NCOA6: variants seen among roughly 807,000 people sequenced by gnomAD.
NCOA6 encodes the protein NRC RAP250.
A neutral mutation model predicts 171.4 loss-of-function variants in NCOA6; 49 were observed. The observed-to-expected ratio is 0.29, with a 90% confidence interval of 0.23 to 0.36. The LOEUF is 0.36. NCOA6 is among the 10% of genes least tolerant of loss of function. NCOA6 has a pLI of 1.00. For synonymous variants in NCOA6, 910 were observed against 927.5 expected, an observed-to-expected ratio of 0.98 and a Z score of 0.34; for missense variants, 2,248 against 2,554.5, an observed-to-expected ratio of 0.88 and a Z score of 2.59.
At chr20:34,778,472 G>T in intron 3 of NCOA6, among the ~76,000 whole-genome samples, 1 of 150,958 alleles carries the variant, frequency 6.6e-6, no homozygotes, top group East Asian at 2.0e-4. Flanking sequence ...TCTGTCGCCA[G>T]GCTGGAGTGC....
chr20:34,823,310 G>C (rs1251918867), intron 1 of NCOA6, among the ~76,000 whole-genome samples: 1 of 151,774 alleles, frequency 6.6e-6, no homozygotes, highest in African/African-American at 2.4e-5. Flanking sequence ...TTGAGCTCAG[G>C]ATTTCAAGAC....
intron 1 of NCOA6, chr20:34,821,141 C>T (rs1454917218): frequency 1.3e-5 from 2 of 152,170 alleles, no homozygotes; most frequent in Non-Finnish European, 2.9e-5. Flanking sequence ...GGTTGAACAT[C>T]CAACACTCAA....
intron 14 of NCOA6, among the ~76,000 whole-genome samples, chr20:34,726,122 A>G (rs1215425492): frequency 2.0e-5 from 3 of 152,206 alleles, no homozygotes; most frequent in African/African-American, 7.2e-5. Context: ...ACAGAACCCA[A>G]GGGAAAAGTT....
chr20:34,755,852 T>A lies in NCOA6; in HGVS notation c.1529-984A>T, dbSNP rs139668805. Among the ~76,000 whole-genome samples the A allele has an allele frequency of 9.1e-3, 1,387 of 152,260 alleles. 28 individuals are homozygous for A. Among genetic ancestry groups the A allele is most frequent in the African/African-American group, 0.032 (1,317 of 41,532 alleles). On this transcript the variant is annotated intron_variant, in intron 7 of 14. Transcript: ENST00000359003. Reference sequence around the variant, plus strand: ...CCAGGTTCAAGCAATCCTCCCTGCCTCAGCCTCCCAAGTAGCTGGGATTAC... The same window carrying A: ...CCAGGTTCAAGCAATCCTCCCTGCCACAGCCTCCCAAGTAGCTGGGATTAC...
intron 3 of NCOA6, among the ~76,000 whole-genome samples, chr20:34,780,187 T>A (rs540768660): frequency 6.6e-6 from 1 of 152,328 alleles, no homozygotes; most frequent in South Asian, 2.1e-4. Context: ...ACATCAAATT[T>A]GCTTATGGTA....
intron 5 of NCOA6, among the ~76,000 whole-genome samples, chr20:34,759,416 G>C (rs2076749884): frequency 1.6e-5 from 2 of 121,902 alleles, no homozygotes; most frequent in African/African-American, 5.8e-5. Flanking sequence ...TATATATGTA[G>C]ATACAGCAGA....
At chr20:34,777,642 G>A (rs1299217457) in intron 3 of NCOA6, among the ~76,000 whole-genome samples, 1 of 151,744 alleles carries the variant, frequency 6.6e-6, no homozygotes, top group African/African-American at 2.4e-5. Flanking sequence ...TGGAACCCTT[G>A]CGCACTGTCA....
In NCOA6 at chr20:34,715,129, C is replaced by T. The variant is rs949033220; in HGVS notation, c.*193G>A. On this transcript the variant is annotated 3_prime_UTR_variant, in exon 15 of 15. Coordinates refer to ENST00000359003, the MANE Select transcript of NCOA6 (RefSeq NM_014071.5). ...ATTTTAGAAACCTTGAACTTCAACT[C>T]GCAACACCAAAAGGGCTCAACAGTC... The T allele has an allele frequency of 1.3e-5, 8 of 605,192 alleles. No homozygotes were observed. The highest frequency in any genetic ancestry group is 6.4e-5 in the East Asian group (2 of 31,458). The allele number at this position is 605,192 out of a possible 1,614,324, so 37.5% of individuals were successfully genotyped here. A position where few individuals can be genotyped will look rare whatever the true frequency, so the allele number is the denominator to read the frequency against.
rs758414546 is a variant in NCOA6 at position 34,758,928 on chromosome 20, T to C, written c.520A>G (p.Ile174Val). The C allele has an allele frequency of 9.3e-6, 15 of 1,613,738 alleles. No individual in the cohort carries two copies. The highest frequency in any genetic ancestry group is 1.0e-5 in the Non-Finnish European group (12 of 1,179,908). Residue 174 changes from isoleucine (I) to valine (V), a missense_variant, in exon 6 of 15, where the codon ATA (isoleucine) becomes GTA (valine). Around this residue, in one of 7 missense-constraint regions of NCOA6, gnomAD observed 987 missense variants for 1,104.7 expected, o/e 0.89. Coordinates refer to ENST00000359003, the MANE Select transcript of NCOA6 (RefSeq NM_014071.5). ...GFPMASGPGI[I>V]RMNNPATVMI... ...ACAGTGGCAGGGTTGTTCATCCTTA[T>C]TATTCCTAGAAAAAAGATCCCTAAA...
chr20:34,784,809 G>C (rs1011179914), intron 2 of NCOA6, among the ~76,000 whole-genome samples: 1 of 151,860 alleles, frequency 6.6e-6, no homozygotes, highest in Non-Finnish European at 1.5e-5. Context: ...GGCTGGGCGC[G>C]GTGGCTCATG....
rs576312918 is a variant in NCOA6, at chr20:34,754,832, C to G, written c.1565G>C (p.Gly522Ala). 6.2e-7 allele frequency: 1 copy of G among 1,614,092 alleles called. No individual in the cohort carries two copies. The highest frequency in any genetic ancestry group is 2.2e-5 in the East Asian group (1 of 44,880). The change falls in exon 8 of 15, where the codon GGA becomes GCA. Residue 522 changes from glycine (G) to alanine (A), a missense_variant. This residue lies in a region of NCOA6 where 987 missense variants were observed against 1,104.7 expected (regional missense o/e 0.89). Transcript: ENST00000359003. ...TTGCATAAAGTTCGGATTGGCCTGT[C>G]CTGCTGAGAAGCCAGGTGGGAGGCG... ...PKRLPPGFSAGQANPNFMQGQ... is the reference protein window; with the variant it reads ...PKRLPPGFSAAQANPNFMQGQ...
At chr20:34,719,524 G>A (rs1004067788) in intron 14 of NCOA6, among the ~76,000 whole-genome samples, 1 of 151,862 alleles carries the variant, frequency 6.6e-6, no homozygotes, top group African/African-American at 2.4e-5. Flanking sequence ...CCAGCTATTC[G>A]GGAGGCTGAG....
intron 1 of NCOA6, among the ~76,000 whole-genome samples, chr20:34,807,938 T>G (rs1042747627): frequency 3.3e-5 from 5 of 151,124 alleles, no homozygotes; most frequent in African/African-American, 1.2e-4. Context: ...TCACATGAAG[T>G]CGGGAGTTTG....
At chr20:34,775,728 A>T (rs2077300717) in intron 4 of NCOA6, among the ~76,000 whole-genome samples, 1 of 151,932 alleles carries the variant, frequency 6.6e-6, no homozygotes, top group African/African-American at 2.4e-5. Flanking sequence ...TGCTGCTACA[A>T]AAGGAAAGGA....
In NCOA6 at chr20:34,741,330, C is replaced by T. The variant is rs774785996; in HGVS notation, c.4926G>A (p.Glu1642=). The stretch of plus-strand genomic sequence containing the variant: ...CATTAGACTGAGCAGCTGACTGTCC[C>T]TCAGAAACCATAACCTTGCTACCCG... ...PNAGSKVMVS[E]GQSAAQSNAR... Residue 1642 remains glutamate, a synonymous_variant, in exon 11 of 15, where the codon GAG becomes GAA. Transcript: ENST00000359003. 1.1e-5 allele frequency: 18 copies of T among 1,614,072 alleles called. No individual in the cohort carries two copies. The African/African-American group carries it at 2.1e-4, about 19-fold the overall frequency.
chr20:34,788,230 C>T (rs1006520957), intron 2 of NCOA6, among the ~76,000 whole-genome samples: 1 of 149,488 alleles, frequency 6.7e-6, no homozygotes, highest in East Asian at 2.0e-4. Flanking sequence ...GGCTGGAGTG[C>T]AGTGACACAT....
Position 34,742,820 on chromosome 20 carries a change from C to T in NCOA6, c.3436G>A (p.Gly1146Ser). 6.2e-7 allele frequency: 1 copy of T among 1,614,160 alleles called. No homozygotes were observed. The highest frequency in any genetic ancestry group is 1.1e-5 in the South Asian group (1 of 91,078). Residue 1146 changes from glycine to serine, a missense_variant, in exon 11 of 15, where the codon GGC becomes AGC. Around this residue, in one of 7 missense-constraint regions of NCOA6, gnomAD observed 352 missense variants for 419.1 expected, o/e 0.84. Transcript: ENST00000359003. ...ACATGTGAAGGCATGTTGTTTGGGC[C>T]TCCTGGGACAGATGGTGCTTCACTG... ...SGSEAPSVPG[G>S]PNNMPSHVVL... is the part of the protein sequence containing the mutation.
intron 14 of NCOA6, among the ~76,000 whole-genome samples, chr20:34,715,698 TAGAC>T (rs1213415027): frequency 1.3e-5 from 2 of 152,174 alleles, no homozygotes; most frequent in Non-Finnish European, 2.9e-5. Context: ...CGAAGTGTAA[TAGAC>T]AGACTGACAA....
At chr20:34,799,142 G>A (rs1486450836) in intron 1 of NCOA6, among the ~76,000 whole-genome samples, 2 of 151,770 alleles carry the variant, frequency 1.3e-5, no homozygotes, top group African/African-American at 2.4e-5. Flanking sequence ...TTTAACAAAG[G>A]GACTGAAATA....
Sources: gnomAD v4.1 joint callset for allele counts (sites outside exome capture counted in the v4.1 genomes callset) on GRCh38, gnomAD v4.1.1 for gene constraint, gnomAD v4.1.1 regional missense constraint, MANE v1.5 for transcripts, NCBI Gene and HGNC (gene_info 2026-07-23, HGNC 2026-07-21) for gene names.